The following TMC1 variants were observed in gnomAD, a reference collection of about 807,000 sequenced individuals.
TMC1 encodes the protein transmembrane channel-like protein 1.
In TMC1, 84 loss-of-function variants were observed where a neutral mutation model predicts 105.8. The ratio of observed to expected loss-of-function variants is 0.79; its 90% confidence interval spans 0.67 to 0.95. The LOEUF (loss-of-function observed/expected upper bound fraction) is 0.95, where lower values mean the gene tolerates loss of function less well. Among genes scored for constraint, TMC1 ranks in the 40% least tolerant of loss-of-function variants. The pLI, the probability that TMC1 is intolerant of heterozygous loss-of-function variation, is 0.00. For missense variants in TMC1, 817 were observed against 914.1 expected, an observed-to-expected ratio of 0.89 and a Z score of 1.37; for synonymous variants, 315 against 311.5, an observed-to-expected ratio of 1.01 and a Z score of -0.12.
At chr9:72,671,509 A>G (rs144523464) in intron 5 of TMC1, among the ~76,000 whole-genome samples, 228 of 152,350 alleles carry the variant, frequency 1.5e-3, no homozygotes, top group African/African-American at 5.3e-3. Flanking sequence ...AGAGTTGTAC[A>G]TAATATACCA....
At chr9:72,762,926 A>C (rs945702411) in intron 12 of TMC1, among the ~76,000 whole-genome samples, 1 of 152,116 alleles carries the variant, frequency 6.6e-6, no homozygotes, top group African/African-American at 2.4e-5. Context: ...GTCCTAGATC[A>C]CTTCTTTTGC....
At chr9:72,827,580 G>A (rs1166590025) in intron 21 of TMC1, among the ~76,000 whole-genome samples, 1 of 152,184 alleles carries the variant, frequency 6.6e-6, no homozygotes, top group Non-Finnish European at 1.5e-5. Flanking sequence ...AGTCAGAAGT[G>A]ATTTCCAAAG....
intron 17 of TMC1, among the ~76,000 whole-genome samples, chr9:72,792,708 TAAAAC>T (rs755199247): frequency 1.7e-4 from 26 of 151,750 alleles, no homozygotes; most frequent in Admixed American, 1.1e-3. Flanking sequence ...TTGTTTGCTG[TAAAAC>T]AAAACAAAAC....
intron 18 of TMC1, among the ~76,000 whole-genome samples, chr9:72,815,361 T>C (rs2118281461): frequency 6.6e-6 from 1 of 152,336 alleles, no homozygotes; most frequent in East Asian, 1.9e-4. Context: ...ACATGGAGAC[T>C]GGACATTGAA....
chr9:72,827,126 A>G, intron 21 of TMC1, 132 bp downstream of exon 21: 2 of 1,226,162 alleles, frequency 1.6e-6, no homozygotes, highest in Non-Finnish European at 2.4e-6. Flanking sequence ...AACACTGATT[A>G]CATGGTGGTG....
At chr9:72,823,017 A>G (rs1828899941) in intron 20 of TMC1, among the ~76,000 whole-genome samples, 1 of 152,140 alleles carries the variant, frequency 6.6e-6, no homozygotes, top group Non-Finnish European at 1.5e-5. Flanking sequence ...TTTATTTTTT[A>G]TTTTTAAAAT....
chr9:72,673,935 C>G (rs1047092018), intron 5 of TMC1, among the ~76,000 whole-genome samples: 1 of 152,128 alleles, frequency 6.6e-6, no homozygotes, highest in African/African-American at 2.4e-5. Flanking sequence ...CAGTGCTACT[C>G]TATCCAAAAC....
chr9:72,636,256 C>A (rs575937431), intron 4 of TMC1, among the ~76,000 whole-genome samples: 1 of 152,262 alleles, frequency 6.6e-6, no homozygotes, highest in East Asian at 1.9e-4. Flanking sequence ...AAAATTGAGG[C>A]AGCTCAGAGA....
intron 8 of TMC1, among the ~76,000 whole-genome samples, chr9:72,723,543 T>G (rs1827067355): frequency 2.6e-5 from 4 of 152,208 alleles, no homozygotes; most frequent in Admixed American, 2.6e-4. Flanking sequence ...TGTCTCAGGA[T>G]TTATCTTATT....
chr9:72,658,915 A>G (rs1482775519), intron 5 of TMC1, among the ~76,000 whole-genome samples: 1 of 152,244 alleles, frequency 6.6e-6, no homozygotes, highest in Non-Finnish European at 1.5e-5. Context: ...AAATTTTTCC[A>G]GGCAATAGCC....
intron 18 of TMC1, among the ~76,000 whole-genome samples, chr9:72,813,298 A>C (rs557110275): frequency 6.6e-6 from 1 of 152,312 alleles, no homozygotes; most frequent in Non-Finnish European, 1.5e-5. Flanking sequence ...ATAAAAGCCT[A>C]CCTCTAAAAC....
chr9:72,819,837 T>TA (rs1828840942), intron 19 of TMC1, among the ~76,000 whole-genome samples: 1 of 152,214 alleles, frequency 6.6e-6, no homozygotes, highest in South Asian at 2.1e-4. Flanking sequence ...GGGCTCCCCT[T>TA]ACATTTTTAA....
rs549061544 is a variant in TMC1 at position 72,666,214 on chromosome 9, G to C, written c.16+17550G>C. On this transcript the variant is annotated intron_variant, in intron 5 of 23. Transcript: ENST00000297784. Reference sequence around the variant, plus strand: ...GAGGATTGCTTGAGGGCAGGTGTTCGAGACTAGCCTGCACTACATAACAAG... The same window carrying C: ...GAGGATTGCTTGAGGGCAGGTGTTCCAGACTAGCCTGCACTACATAACAAG... Among the ~76,000 whole-genome samples the C allele has an allele frequency of 1.2e-4, 18 of 151,550 alleles. No individual in the cohort carries two copies. The East Asian group carries it at 3.5e-3, about 29-fold the overall frequency.
intron 10 of TMC1, among the ~76,000 whole-genome samples, chr9:72,746,310 T>C (rs898673237): frequency 7.9e-5 from 12 of 152,206 alleles, no homozygotes; most frequent in Admixed American, 5.2e-4. Flanking sequence ...ATGCCTAACA[T>C]GTTTCTAGGC....
intron 2 of TMC1, among the ~76,000 whole-genome samples, chr9:72,589,222 C>G (rs1309579785): frequency 1.3e-5 from 2 of 152,198 alleles, no homozygotes; most frequent in African/African-American, 2.4e-5. Context: ...CTGTTGACAT[C>G]AACCTTATAA....
intron 4 of TMC1, among the ~76,000 whole-genome samples, chr9:72,628,613 G>T (rs1023465156): frequency 6.6e-6 from 1 of 152,142 alleles, no homozygotes; most frequent in African/African-American, 2.4e-5. Flanking sequence ...TTTTTAGAAG[G>T]GGAAAGTAGA....
At chr9:72,630,738 G>C (rs12682980) in intron 4 of TMC1, among the ~76,000 whole-genome samples, 2 of 151,974 alleles carry the variant, frequency 1.3e-5, no homozygotes, top group Admixed American at 1.3e-4. Flanking sequence ...ATTAAAAACT[G>C]CAAATTAAAA....
At chr9:72,544,787 C>CT (rs57958313) in intron 1 of TMC1, among the ~76,000 whole-genome samples, 67,596 of 142,858 alleles carry the variant, frequency 0.47, 16,772 homozygotes, top group South Asian at 0.58. Flanking sequence ...GCCTTTTTAC[C>CT]TTTTTTTTTT....
chr9:72,797,523 A>C (rs1828391917), intron 17 of TMC1, among the ~76,000 whole-genome samples: 1 of 152,214 alleles, frequency 6.6e-6, no homozygotes, highest in South Asian at 2.1e-4. Context: ...GAACAGACAC[A>C]TAGACCAATG....
Sources: gnomAD v4.1 joint callset for allele counts (sites outside exome capture counted in the v4.1 genomes callset) on GRCh38, gnomAD v4.1.1 for gene constraint, MANE v1.5 for transcripts, NCBI Gene and HGNC (gene_info 2026-07-23, HGNC 2026-07-21) for gene names.